KANSL3: variants seen among roughly 807,000 people sequenced by gnomAD.
KANSL3 encodes the protein KAT8 regulatory NSL complex subunit 3.
A neutral mutation model predicts 89.2 loss-of-function variants in KANSL3; 16 were observed. That is an observed-to-expected ratio of 0.18 (90% confidence interval 0.12 to 0.27). The LOEUF (loss-of-function observed/expected upper bound fraction) is 0.27. Ranked by LOEUF, KANSL3 falls within the 10% of genes least tolerant of loss-of-function variation. KANSL3 has a pLI of 1.00. For synonymous variants in KANSL3, 385 were observed against 419.7 expected (o/e 0.92, Z 1.01); for missense variants, 879 against 1,110.6 (o/e 0.79, Z 2.96).
chr2:96,631,406 T>C lies in KANSL3; in HGVS notation c.292A>G (p.Ser98Gly), dbSNP rs1481493292. 5.0e-6 allele frequency: 8 copies of C among 1,606,108 alleles called. No individual in the cohort carries two copies. The highest frequency in any genetic ancestry group is 1.3e-5 in the African/African-American group (1 of 74,790). Residue 98 changes from serine to glycine, a missense_variant, in exon 3 of 21, where the codon AGC becomes GGC. Ser to Gly is a moderately conservative substitution (Grantham distance 56, BLOSUM62 0). Coordinates refer to ENST00000431828, the MANE Select transcript of KANSL3 (RefSeq NM_001115016.3). ...TGCCGTTCACACTCATTCATCACGC[T>C]GCGTGCCTTCTGATTGTCATAGAGT... Reference protein sequence around the residue: ...MPLYDNQKARSVMNECERHVI... With the variant: ...MPLYDNQKARGVMNECERHVI...
chr2:96,610,294 T>C (rs2068685481), intron 11 of KANSL3: 1 of 153,494 alleles, frequency 6.5e-6, no homozygotes, highest in Non-Finnish European at 1.4e-5. Flanking sequence ...TTAAAAAAGG[T>C]TTTTTTAATG....
chr2:96,614,123 G>A (rs1487252127), intron 5 of KANSL3, among the ~76,000 whole-genome samples: 3 of 152,068 alleles, frequency 2.0e-5, no homozygotes, highest in African/African-American at 7.2e-5. Context: ...ACAAAGTCTC[G>A]CTCTGTCGCC....
chr2:96,627,146 T>C (rs987846488), intron 3 of KANSL3, among the ~76,000 whole-genome samples: 4 of 151,978 alleles, frequency 2.6e-5, no homozygotes, highest in Admixed American at 6.6e-5. Flanking sequence ...TAGTAATATT[T>C]AAACCATTTC....
chr2:96,600,687 A>C (rs1413498427), intron 20 of KANSL3: 1 of 985,336 alleles, frequency 1.0e-6, no homozygotes, highest in Non-Finnish European at 1.2e-6. Context: ...CTTAACTTCT[A>C]ATCTTTGAGT....
chr2:96,611,158 T>C lies in KANSL3; in HGVS notation c.1087-20A>G, dbSNP rs755018432. The C allele has an allele frequency of 1.2e-5, 20 of 1,609,550 alleles. No homozygotes were observed. The Admixed American group carries it at 2.8e-4, about 23-fold the overall frequency. ...TGACACCTGTAAATAACAGAACAGT[T>C]TGTCTAAACGTCAACTGAGTTCATG... On this transcript the variant is annotated intron_variant, in intron 9 of 20. Transcript: ENST00000431828.
rs1214836299 is a variant in KANSL3 at position 96,601,787 on chromosome 2, G to C, written c.2483-11C>G. 4.5e-6 allele frequency: 7 copies of C among 1,545,670 alleles called. No homozygotes were observed. Among genetic ancestry groups the C allele is most frequent in the Admixed American group, 2.1e-5 (1 of 46,776 alleles). ...TGGGGACCTTCAAGCCTGAGATAAA[G>C]AGAGAGAAGCAGAATTTTTGAGTCA... On this transcript the variant is annotated splice_polypyrimidine_tract_variant and intron_variant, in intron 19 of 20. Transcript: ENST00000431828.
intron 1 of KANSL3, 196 bp downstream of exon 1, chr2:96,638,087 G>C (rs963528177): frequency 2.0e-5 from 3 of 150,818 alleles, no homozygotes; most frequent in South Asian, 2.0e-4. Context: ...TCCGCGTCAC[G>C]GAGGCCCAGA....
At chr2:96,620,125 G>A (rs1339209850) in intron 3 of KANSL3, among the ~76,000 whole-genome samples, 1 of 152,112 alleles carries the variant, frequency 6.6e-6, no homozygotes, top group African/African-American at 2.4e-5. Context: ...CTGAACAGAC[G>A]ACATATTTGA....
At chr2:96,585,631 A>T in the KANSL3 span, among the ~76,000 whole-genome samples, 7 of 152,308 alleles carry the variant, frequency 4.6e-5, no homozygotes, top group African/African-American at 1.7e-4. Context: ...CCAAAGGAAA[A>T]TAGTCATTAT....
At chr2:96,618,704 G>A (rs2070687949) in intron 5 of KANSL3, among the ~76,000 whole-genome samples, 1 of 152,154 alleles carries the variant, frequency 6.6e-6, no homozygotes, top group South Asian at 2.1e-4. Context: ...TTTTAGAGAT[G>A]AGACACCAGT....
chr2:96,611,903 A>ATGTGTGTG (rs59217274), intron 9 of KANSL3, among the ~76,000 whole-genome samples: 2,999 of 113,272 alleles, frequency 0.026, 120 homozygotes, highest in African/African-American at 0.071. Context: ...ATATACCCAT[A>ATGTGTGTG]TGTGTGTGTG....
chr2:96,607,302 G>C (rs2068142332), intron 14 of KANSL3, among the ~76,000 whole-genome samples: 1 of 152,132 alleles, frequency 6.6e-6, no homozygotes, highest in South Asian at 2.1e-4. Flanking sequence ...ATGGCACACA[G>C]CAAGGACTCC....
chr2:96,623,823 G>A (rs1421208896), intron 3 of KANSL3, among the ~76,000 whole-genome samples: 1 of 152,202 alleles, frequency 6.6e-6, no homozygotes, highest in African/African-American at 2.4e-5. Flanking sequence ...AAAGTTGAGA[G>A]CAGTCGAAAT....
chr2:96,604,366 T>G lies in KANSL3; in HGVS notation c.2033A>C (p.Glu678Ala), dbSNP rs1432899531. ...GACTGGGCTGGCTGAGACTCCACCT[T>G]CAGAAGAACTGGACCTGGAGACAAA... ...LLTTAKSSSS[E>A]GGVSASPVPS... Residue 678 changes from glutamate (E) to alanine (A), a missense_variant, in exon 17 of 21, where the codon GAA (glutamate) becomes GCA (alanine). Around this residue, in one of 6 missense-constraint regions of KANSL3, gnomAD observed 317 missense variants for 311.2 expected, o/e 1.02. Coordinates refer to ENST00000431828, the MANE Select transcript of KANSL3 (RefSeq NM_001115016.3). The G allele has an allele frequency of 6.2e-7, 1 of 1,611,826 alleles. No homozygotes were observed. The highest frequency in any genetic ancestry group is 1.7e-5 in the Admixed American group (1 of 59,984).
Position 96,608,922 on chromosome 2 carries a change from C to T in KANSL3, c.1526G>A (p.Arg509Gln), listed in dbSNP as rs867927027. 19 of 1,570,700 alleles carry T rather than the reference C, an allele frequency of 1.2e-5. No individual in the cohort carries two copies. The highest frequency in any genetic ancestry group is 9.3e-5 in the South Asian group (8 of 85,608). Residue 509 changes from arginine to glutamine, a missense_variant, in exon 13 of 21, where the codon CGG becomes CAG. Physicochemically the swap from Arg to Gln is conservative, Grantham distance 43. Around this residue, in one of 6 missense-constraint regions of KANSL3, gnomAD observed 317 missense variants for 311.2 expected, o/e 1.02. Coordinates refer to ENST00000431828, the MANE Select transcript of KANSL3 (RefSeq NM_001115016.3). ...RRDLAFEVPE[R>Q]GSRPASPAAK... Reference sequence around the variant, plus strand: ...AGCTGGGGAGGCAGGTCGACTGCCCCGCTCAGGGACTTCAAAGGCCAAGTC... The same window carrying T: ...AGCTGGGGAGGCAGGTCGACTGCCCTGCTCAGGGACTTCAAAGGCCAAGTC...
downstream of KANSL3, among the ~76,000 whole-genome samples, chr2:96,590,950 C>A (rs1406286757): frequency 6.6e-6 from 1 of 152,124 alleles, no homozygotes; most frequent in Non-Finnish European, 1.5e-5. Context: ...CGTGCCACTG[C>A]ACTCCAGCCT....
At chr2:96,622,581 A>G (rs2071513263) in intron 3 of KANSL3, among the ~76,000 whole-genome samples, 1 of 152,200 alleles carries the variant, frequency 6.6e-6, no homozygotes, top group African/African-American at 2.4e-5. Context: ...TGGAAAAGCC[A>G]ATTTGGAAAA....
intron 3 of KANSL3, among the ~76,000 whole-genome samples, chr2:96,625,830 CAAGATT>C (rs1355896741): frequency 6.6e-6 from 1 of 152,024 alleles, no homozygotes; most frequent in East Asian, 1.9e-4. Flanking sequence ...TGATCTAAAC[CAAGATT>C]AAGATAAAGA....
intron 11 of KANSL3, 54 bp from the exon 12 acceptor site, chr2:96,609,616 A>G: frequency 2.1e-6 from 3 of 1,448,114 alleles, no homozygotes; most frequent in Non-Finnish European, 2.9e-6. Flanking sequence ...ACGGCATCCT[A>G]TGAAAATAAG....
Sources: allele counts gnomAD v4.1 joint callset (sites outside exome capture counted in the v4.1 genomes callset), GRCh38; gene constraint gnomAD v4.1.1; regional missense constraint gnomAD v4.1.1; transcripts MANE v1.5; gene names NCBI Gene and HGNC (gene_info 2026-07-23, HGNC 2026-07-21).